Variants in PHKG1 observed in about 807,000 individuals in gnomAD.
The protein encoded by PHKG1 is phosphorylase b kinase gamma catalytic chain, skeletal muscle/heart isoform.
Under a neutral mutation model 50.5 loss-of-function variants are expected in PHKG1, and 48 were observed. The observed-to-expected ratio is 0.95, with a 90% CI of 0.75 to 1.21. The LOEUF (loss-of-function observed/expected upper bound fraction) is 1.21. Ranked by LOEUF, PHKG1 falls within the 50% of genes most tolerant of loss-of-function variation. PHKG1 has a pLI of 0.00. For missense variants in PHKG1, 487 were observed against 519.5 expected, an observed-to-expected ratio of 0.94 and a Z score of 0.61; for synonymous variants, 204 against 212.8, an observed-to-expected ratio of 0.96 and a Z score of 0.36.
chr7:56,089,074 C>CACTA (rs1796389281), intron 1 of PHKG1, 99 bp from the exon 2 acceptor site: 1 of 644,058 alleles, frequency 1.6e-6, no homozygotes. Context: ...CATCTCCTGG[C>CACTA]ACTACACTGG....
Position 56,083,654 on chromosome 7 carries a change from T to A in PHKG1, c.379A>T (p.Thr127Ser). 6.3e-7 allele frequency: 1 copy of A among 1,581,590 alleles called. No individual in the cohort carries two copies. The highest frequency in any genetic ancestry group is 2.3e-5 in the East Asian group (1 of 43,730). The change falls in exon 5 of 10, where the codon ACC becomes TCC. Residue 127 changes from threonine (T) to serine (S), a missense_variant. By Grantham distance (58) the Thr-to-Ser change is moderately conservative. Coordinates refer to ENST00000297373, the MANE Select transcript of PHKG1 (RefSeq NM_006213.5). ...TEKVTLSEKETRKIMRALLEV... is the reference protein window; with the variant it reads ...TEKVTLSEKESRKIMRALLEV... ...GAAGGGCAAAGGGACCCTCACCTGG[T>A]TTCCTTCTCACTCAAGGTGACCTTC...
In PHKG1 at chr7:56,081,992, C is replaced by T. The variant is rs1796021794; in HGVS notation, c.693G>A (p.Trp231Ter). ...YTLLAGSPPF[W>*]HRKQMLMLRM... ...TCAGCATCAGCATCTGCTTCCGGTGCCAGAAGGGCGGGGAGCCGGCCAGCA... is the reference window on the plus strand; with the variant it reads ...TCAGCATCAGCATCTGCTTCCGGTGTCAGAAGGGCGGGGAGCCGGCCAGCA... The change falls in exon 8 of 10, where the codon TGG becomes TGA. Residue 231 changes from tryptophan to a stop codon, truncating the protein, a stop_gained. Transcript: ENST00000297373. LOFTEE classifies it high-confidence loss of function. The surrounding 1 kb of genome is among the most constrained non-coding windows in gnomAD (Gnocchi z 4.6). 6.2e-7 allele frequency: 1 copy of T among 1,613,840 alleles called. No homozygotes were observed. The highest frequency in any genetic ancestry group is 1.7e-5 in the Admixed American group (1 of 59,998).
rs1796098515 is a variant in PHKG1 at position 56,083,164 on chromosome 7, A to AT, written c.547+113dup. ...AATCCCTAGCCCTTGAAATGGTGGA[A>AT]TTTTTATTCCAGGGAACAATTAAGT... On this transcript the variant is annotated intron_variant, in intron 6 of 9. Coordinates refer to ENST00000297373, the MANE Select transcript of PHKG1 (RefSeq NM_006213.5). 6 of 957,634 alleles carry AT rather than the reference A, an allele frequency of 6.3e-6. No homozygotes were observed. The East Asian group carries it at 7.8e-5, about 12-fold the overall frequency. The allele number at this position is 957,634 out of a possible 1,614,324, so 59.3% of individuals were successfully genotyped here. A position where few individuals can be genotyped will look rare whatever the true frequency, so the allele number is the denominator to read the frequency against.
intron 4 of PHKG1, chr7:56,084,334 ACCCCAG>A (rs1796157625): frequency 3.0e-6 from 2 of 675,882 alleles, no homozygotes; most frequent in Non-Finnish European, 5.0e-6. Flanking sequence ...CTGGCCCAGG[ACCCCAG>A]ACCCAGATCA....
In PHKG1 at chr7:56,092,587, T is replaced by C. The variant is rs114761880; in HGVS notation, c.-35+249A>G. 5.6e-3 allele frequency among the ~76,000 whole-genome samples: 847 copies of C among 152,276 alleles called. 9 individuals are homozygous for C. The highest frequency in any genetic ancestry group is 0.019 in the African/African-American group (800 of 41,570). On this transcript the variant is annotated intron_variant, in intron 1 of 9. Transcript: ENST00000297373. Reference sequence around the variant, plus strand: ...CGCGCCTGCCTGGCCTGGTACTTTTTGGCACATAACTTCCCTCCCCTGAAC... The same window carrying C: ...CGCGCCTGCCTGGCCTGGTACTTTTCGGCACATAACTTCCCTCCCCTGAAC...
At chr7:56,089,104 A>G in intron 1 of PHKG1, 129 bp from the exon 2 acceptor site, 1 of 561,032 alleles carries the variant, frequency 1.8e-6, no homozygotes, top group Non-Finnish European at 3.2e-6. Context: ...AATGTTCCAA[A>G]TAAATGTTTG....
chr7:56,083,482 G>A (rs1796116387), intron 5 of PHKG1, 41 bp from the exon 6 acceptor site: 2 of 1,608,600 alleles, frequency 1.2e-6, no homozygotes, highest in Admixed American at 3.3e-5. Flanking sequence ...CTCTGCTCAG[G>A]GTCAGGTAAC....
At position 56,088,932 on chromosome 7, in the gene PHKG1, C is replaced by T; in HGVS notation, c.10G>A (p.Asp4Asn). ...GAATGAGAGTCCGGCAGTGCCTCGTCCCGGGTCATGCTCAGATCTTCAGTG... is the reference window on the plus strand; with the variant it reads ...GAATGAGAGTCCGGCAGTGCCTCGTTCCGGGTCATGCTCAGATCTTCAGTG... The part of the protein sequence containing the change: MTR[D>N]EALPDSHSAQ... Residue 4 changes from aspartate to asparagine, a missense_variant, in exon 2 of 10, where the codon GAC becomes AAC. Asp to Asn is a conservative substitution (Grantham distance 23). Coordinates refer to ENST00000297373, the MANE Select transcript of PHKG1 (RefSeq NM_006213.5). The T allele has an allele frequency of 4.3e-6, 7 of 1,612,910 alleles. No individual in the cohort carries two copies. Among genetic ancestry groups the T allele is most frequent in the Non-Finnish European group, 5.9e-6 (7 of 1,179,072 alleles).
intron 4 of PHKG1, among the ~76,000 whole-genome samples, chr7:56,086,354 A>G (rs1796250631): frequency 1.3e-5 from 2 of 151,990 alleles, no homozygotes; most frequent in Admixed American, 6.6e-5. Flanking sequence ...GAGACTAACA[A>G]CCAATAATAA....
chr7:56,083,685 G>T lies in PHKG1; in HGVS notation c.348C>A (p.Leu116=). ...TCTCACTCAAGGTGACCTTCTCAGT[G>T]AGGTAGTCAAAGAGCTCCCCTCTCT... ...LMKRGELFDY[L]TEKVTLSEKE... The change falls in exon 5 of 10, where the codon CTC becomes CTA. Residue 116 remains leucine, a synonymous_variant. Transcript: ENST00000297373. 1 of 1,585,490 alleles carries T rather than the reference G, an allele frequency of 6.3e-7. No homozygotes were observed. The highest frequency in any genetic ancestry group is 1.1e-5 in the South Asian group (1 of 87,662).
At chr7:56,083,577 C>T in intron 5 of PHKG1, 73 bp downstream of exon 5, 2 of 1,490,452 alleles carry the variant, frequency 1.3e-6, no homozygotes, top group Non-Finnish European at 1.9e-6. Flanking sequence ...CGCCCTGCCT[C>T]CCCTGAGACC....
chr7:56,087,825 G>A (rs771258823), intron 2 of PHKG1, 49 bp from the exon 3 acceptor site: 3 of 1,506,168 alleles, frequency 2.0e-6, no homozygotes, highest in Non-Finnish European at 1.8e-6. Context: ...CACCCCATGG[G>A]GGGTCCCAGA....
At position 56,085,080 on chromosome 7, in the gene PHKG1, C is replaced by A. The variant is rs368819011; in HGVS notation, c.318-1365G>T. ...GGTTCATGCCATTCTTGTGCCTCATCCTCCTGAGTGACTGGGATTACAGAT... is the reference window on the plus strand; with the variant it reads ...GGTTCATGCCATTCTTGTGCCTCATACTCCTGAGTGACTGGGATTACAGAT... On this transcript the variant is annotated intron_variant, in intron 4 of 9. Coordinates refer to ENST00000297373, the MANE Select transcript of PHKG1 (RefSeq NM_006213.5). 3.3e-5 allele frequency among the ~76,000 whole-genome samples: 5 copies of A among 152,078 alleles called. No individual in the cohort carries two copies. The East Asian group carries it at 9.7e-4, about 29-fold the overall frequency.
At chr7:56,083,471 C>T in intron 5 of PHKG1, 30 bp from the exon 6 acceptor site, 3 of 1,612,192 alleles carry the variant, frequency 1.9e-6, no homozygotes, top group Non-Finnish European at 2.5e-6. Flanking sequence ...TGTTACTCTT[C>T]CTCTGCTCAG....
At position 56,081,777 on chromosome 7, in the gene PHKG1, A is replaced by G. The variant is rs747062778; in HGVS notation, c.793-22T>C. 12 of 1,571,094 alleles carry G rather than the reference A, an allele frequency of 7.6e-6. No individual in the cohort carries two copies. The highest frequency in any genetic ancestry group is 2.7e-5 in the African/African-American group (2 of 74,332). On this transcript the variant is annotated intron_variant, in intron 8 of 9. Transcript: ENST00000297373. The surrounding 1 kb of genome is among the most constrained non-coding windows in gnomAD (Gnocchi z 4.6). ...AGACCTGTGAGAGGAGGAGAGGGGAACCGAGAATGTCAAGGCAGGTCCCCT... is the reference window on the plus strand; with the variant it reads ...AGACCTGTGAGAGGAGGAGAGGGGAGCCGAGAATGTCAAGGCAGGTCCCCT...
At chr7:56,088,831 C>A (rs776149406) in intron 2 of PHKG1, 28 bp downstream of exon 2, 11 of 1,535,790 alleles carry the variant, frequency 7.2e-6, no homozygotes, top group Admixed American at 5.0e-5. Flanking sequence ...CCTAGGACAG[C>A]ACTTCGTGGG....
chr7:56,091,815 C>T (rs1796501604), intron 1 of PHKG1, among the ~76,000 whole-genome samples: 1 of 152,244 alleles, frequency 6.6e-6, no homozygotes, highest in South Asian at 2.1e-4. Flanking sequence ...TTTAGAATAA[C>T]AAGTCCCCTC....
intron 6 of PHKG1, 46 bp downstream of exon 6, chr7:56,083,232 T>C (rs1277058373): frequency 6.3e-7 from 1 of 1,585,898 alleles, no homozygotes; most frequent in Non-Finnish European, 8.6e-7. Context: ...AGATGGTTGA[T>C]TGAGCACCCG....
Position 56,086,946 on chromosome 7 carries a change from C to G in PHKG1, c.317+24G>C, listed in dbSNP as rs768529982. On this transcript the variant is annotated intron_variant, in intron 4 of 9. Transcript: ENST00000297373. ...CAGTCGGAGGTTCTCTCAGGTGTGG[C>G]TTGCTCCAGTGCTGGGTACTTACAG... The G allele has an allele frequency of 7.5e-6, 12 of 1,600,356 alleles. No homozygotes were observed. In the East Asian group the frequency reaches 2.7e-4, roughly 36 times the overall value.
Sources: gnomAD v4.1 joint callset for allele counts (sites outside exome capture counted in the v4.1 genomes callset) on GRCh38, gnomAD v4.1.1 for gene constraint, Gnocchi (gnomAD v3.1) non-coding constraint, MANE v1.5 for transcripts, NCBI Gene and HGNC (gene_info 2026-07-23, HGNC 2026-07-21) for gene names.